The following PAX5 variants were observed in gnomAD, a reference collection of about 807,000 sequenced individuals.
The protein encoded by PAX5 is paired box 5, also known as paired box protein Pax-5.
Under a neutral mutation model 43.7 loss-of-function variants are expected in PAX5, and 9 were observed. The observed-to-expected ratio is 0.21, with a 90% CI of 0.12 to 0.36. The LOEUF (loss-of-function observed/expected upper bound fraction) is 0.36, where lower values mean the gene tolerates loss of function less well. PAX5 is among the 10% of genes least tolerant of loss of function. The pLI, the probability that PAX5 is intolerant of heterozygous loss-of-function variation, is 1.00. For missense variants in PAX5, 383 were observed against 532.7 expected (o/e 0.72, Z 2.77); for synonymous variants, 228 against 214.3 (o/e 1.06, Z -0.56).
intron 6 of PAX5, among the ~76,000 whole-genome samples, chr9:36,959,508 G>A (rs59058961): frequency 0.089 from 13,487 of 152,168 alleles, 688 homozygotes; most frequent in South Asian, 0.14. Context: ...TGCCTCTTCC[G>A]CACAAACTCT....
At chr9:36,869,546 A>G (rs1165084549) in intron 8 of PAX5, among the ~76,000 whole-genome samples, 1 of 152,158 alleles carries the variant, frequency 6.6e-6, no homozygotes, top group African/African-American at 2.4e-5. Flanking sequence ...CCTCCCACCC[A>G]GCCCTACTGT....
chr9:36,976,379 TC>T (rs988299684), intron 5 of PAX5, among the ~76,000 whole-genome samples: 3 of 151,358 alleles, frequency 2.0e-5, no homozygotes, highest in Admixed American at 6.6e-5. Context: ...GGGAGGGGGG[TC>T]CTGGAGAAGG....
chr9:36,898,569 A>T (rs1211778866), intron 7 of PAX5, among the ~76,000 whole-genome samples: 1 of 152,214 alleles, frequency 6.6e-6, no homozygotes, highest in African/African-American at 2.4e-5. Context: ...TAAAACATGC[A>T]ATCAAACAGC....
chr9:36,840,262 G>A lies in PAX5; in HGVS notation c.*298C>T. On this transcript the variant is annotated 3_prime_UTR_variant, in exon 10 of 10. Transcript: ENST00000358127. ...TGGATAGTCAGACAGCTGGAGGACA[G>A]GCAGGCTGGGCTGGGGCTGCGGTTA... 1.9e-6 allele frequency: 1 copy of A among 531,070 alleles called. No individual in the cohort carries two copies. The highest frequency in any genetic ancestry group is 3.4e-6 in the Non-Finnish European group (1 of 298,004). The allele number at this position is 531,070 out of a possible 1,614,324, so 32.9% of individuals were successfully genotyped here.
At chr9:36,958,340 A>C (rs967045737) in intron 6 of PAX5, among the ~76,000 whole-genome samples, 7 of 151,852 alleles carry the variant, frequency 4.6e-5, no homozygotes, top group African/African-American at 1.7e-4. Context: ...ACTCTCCTCC[A>C]CTGGTGGACA....
At chr9:36,880,461 A>C (rs1826311700) in intron 8 of PAX5, among the ~76,000 whole-genome samples, 1 of 152,266 alleles carries the variant, frequency 6.6e-6, no homozygotes, top group African/African-American at 2.4e-5. Flanking sequence ...TTGGCCCTGC[A>C]GGCTCTCCCC....
chr9:36,894,386 A>C (rs1033859312), intron 7 of PAX5, among the ~76,000 whole-genome samples: 5 of 152,240 alleles, frequency 3.3e-5, no homozygotes, highest in African/African-American at 1.2e-4. Flanking sequence ...TAAATGAAAA[A>C]ATAGAATAAA....
intron 1 of PAX5, among the ~76,000 whole-genome samples, chr9:37,030,433 T>G (rs1484401170): frequency 6.6e-6 from 1 of 152,106 alleles, no homozygotes; most frequent in Non-Finnish European, 1.5e-5. Context: ...CAGTCCTGTC[T>G]CTGAACGCCC....
chr9:36,963,825 G>A (rs1418750146), intron 6 of PAX5, among the ~76,000 whole-genome samples: 2 of 152,188 alleles, frequency 1.3e-5, no homozygotes, highest in Non-Finnish European at 2.9e-5. Flanking sequence ...GAGGCCAGGT[G>A]GAGTGCAGAG....
chr9:36,874,022 C>G (rs896281456), intron 8 of PAX5, among the ~76,000 whole-genome samples: 1 of 152,194 alleles, frequency 6.6e-6, no homozygotes, highest in African/African-American at 2.4e-5. Flanking sequence ...CCTAAGCCTG[C>G]ATGCTTTGCA....
intron 7 of PAX5, among the ~76,000 whole-genome samples, chr9:36,899,873 A>C (rs1189657484): frequency 2.6e-5 from 4 of 152,044 alleles, no homozygotes; most frequent in Non-Finnish European, 5.9e-5. Flanking sequence ...CAGTGCAACC[A>C]TTTCGTCCTT....
In PAX5 at chr9:37,034,000, C is replaced by T. The variant is rs759944754; in HGVS notation, c.32G>A (p.Arg11Gln). ...CGCGGTCCTACCTGTCCTGCTGGTC[C>T]GAGGAGTCGGATAATTTTTCTCTAA... MDLEKNYPTP[R>Q]TSRTGHGGVN... The change falls in exon 1 of 10, where the codon CGG becomes CAG. Residue 11 changes from arginine to glutamine, a missense_variant. Physicochemically the swap from Arg to Gln is conservative, Grantham distance 43. Around this residue, in one of 5 missense-constraint regions of PAX5, gnomAD observed 54 missense variants for 68.6 expected, o/e 0.79. Coordinates refer to ENST00000358127, the MANE Select transcript of PAX5 (RefSeq NM_016734.3). 5 of 1,611,212 alleles carry T rather than the reference C, an allele frequency of 3.1e-6. No individual in the cohort carries two copies. The highest frequency in any genetic ancestry group is 1.1e-5 in the South Asian group (1 of 90,834).
chr9:36,962,000 C>G (rs922484192), intron 6 of PAX5, among the ~76,000 whole-genome samples: 1 of 152,206 alleles, frequency 6.6e-6, no homozygotes, highest in Non-Finnish European at 1.5e-5. Flanking sequence ...CCACCCAGGG[C>G]AAAGCGTTTA....
At chr9:36,974,673 C>T (rs536258154) in intron 5 of PAX5, among the ~76,000 whole-genome samples, 14 of 152,114 alleles carry the variant, frequency 9.2e-5, no homozygotes, top group Non-Finnish European at 1.9e-4. Flanking sequence ...CAGGACAATT[C>T]GTGGGGCTTT....
intron 6 of PAX5, among the ~76,000 whole-genome samples, chr9:36,941,326 G>C (rs368814112): frequency 5.9e-5 from 9 of 152,336 alleles, no homozygotes; most frequent in East Asian, 1.9e-4. Context: ...ACTTGACAGA[G>C]CTTTGCTATC....
chr9:37,023,964 G>A (rs929181004), intron 1 of PAX5, among the ~76,000 whole-genome samples: 1 of 152,168 alleles, frequency 6.6e-6, no homozygotes, highest in Non-Finnish European at 1.5e-5. Context: ...CCCTCTCTCT[G>A]GAATCTGAGT....
chr9:36,943,745 T>C (rs944299972), intron 6 of PAX5, among the ~76,000 whole-genome samples: 1 of 152,236 alleles, frequency 6.6e-6, no homozygotes, highest in Non-Finnish European at 1.5e-5. Flanking sequence ...TAAGCCATTG[T>C]TATATTAATT....
At chr9:36,994,022 T>TCTCGGGATTGGGACTC in intron 5 of PAX5, among the ~76,000 whole-genome samples, 1 of 152,196 alleles carries the variant, frequency 6.6e-6, no homozygotes, top group Non-Finnish European at 1.5e-5. Flanking sequence ...TCACGGGGGC[T>TCTCGGGATTGGGACTC]CTCGCTCACT....
chr9:36,894,968 C>G (rs563658586), intron 7 of PAX5, among the ~76,000 whole-genome samples: 3 of 152,342 alleles, frequency 2.0e-5, no homozygotes, highest in East Asian at 3.9e-4. Context: ...CTTTCCTCGT[C>G]TAAGGGAGGA....
Sources: gnomAD v4.1 joint callset for allele counts (sites outside exome capture counted in the v4.1 genomes callset) on GRCh38, gnomAD v4.1.1 for gene constraint, gnomAD v4.1.1 regional missense constraint, MANE v1.5 for transcripts, NCBI Gene and HGNC (gene_info 2026-07-23, HGNC 2026-07-21) for gene names.